Variants in ITGBL1 observed in about 807,000 individuals in gnomAD.
ITGBL1 encodes the protein integrin beta-like protein 1.
In ITGBL1, 51 loss-of-function variants were observed where a neutral mutation model predicts 68.5. The observed-to-expected ratio is 0.74, with a 90% CI of 0.59 to 0.94. ITGBL1 has a LOEUF of 0.94. Among genes scored for constraint, ITGBL1 ranks in the 40% least tolerant of loss-of-function variants. ITGBL1 has a pLI of 0.00. For missense variants in ITGBL1, 649 were observed against 647.4 expected (o/e 1.00, Z -0.03); for synonymous variants, 209 against 227.3 (o/e 0.92, Z 0.72).
intron 2 of ITGBL1, among the ~76,000 whole-genome samples, chr13:101,475,233 C>A (rs887556909): frequency 2.6e-5 from 4 of 151,870 alleles, no homozygotes; most frequent in Non-Finnish European, 4.4e-5. Context: ...ATAAATTTAG[C>A]AAAGAGATTG....
intron 6 of ITGBL1, among the ~76,000 whole-genome samples, chr13:101,593,755 G>A (rs747481609): frequency 9.2e-5 from 14 of 152,062 alleles, no homozygotes; most frequent in African/African-American, 1.7e-4. Context: ...TACCAGAGAC[G>A]GGAGGAGGAA....
At chr13:101,507,795 G>C (rs563678607) in intron 2 of ITGBL1, among the ~76,000 whole-genome samples, 1 of 152,250 alleles carries the variant, frequency 6.6e-6, no homozygotes, top group South Asian at 2.1e-4. Context: ...TGAAGGAAGA[G>C]ATTTCAAGAT....
chr13:101,456,087 G>A (rs774835171), intron 2 of ITGBL1, among the ~76,000 whole-genome samples: 24 of 152,146 alleles, frequency 1.6e-4, no homozygotes, highest in Non-Finnish European at 3.1e-4. Flanking sequence ...TTTACTCATA[G>A]CATCTTAGTC....
intron 2 of ITGBL1, among the ~76,000 whole-genome samples, chr13:101,454,399 TCCCCCCC>T (rs10524609): frequency 0.055 from 7,462 of 135,842 alleles, 530 homozygotes; most frequent in African/African-American, 0.14. Flanking sequence ...CCCTGGCTGG[TCCCCCCC>T]CCCCCCCCCA....
chr13:101,524,866 G>T (rs1192674483), intron 2 of ITGBL1, among the ~76,000 whole-genome samples: 1 of 152,094 alleles, frequency 6.6e-6, no homozygotes, highest in Non-Finnish European at 1.5e-5. Flanking sequence ...TTCTCCTACT[G>T]TAGTATCAGG....
At chr13:101,690,203 T>C (rs1474188394) in intron 7 of ITGBL1, among the ~76,000 whole-genome samples, 1 of 152,192 alleles carries the variant, frequency 6.6e-6, no homozygotes, top group Non-Finnish European at 1.5e-5. Context: ...GACGCCAGAA[T>C]ATTAACACTT....
At chr13:101,673,287 C>G (rs781050196) in intron 7 of ITGBL1, among the ~76,000 whole-genome samples, 3 of 152,184 alleles carry the variant, frequency 2.0e-5, no homozygotes, top group Non-Finnish European at 4.4e-5. Flanking sequence ...ATCTGTCATG[C>G]CCATCCTAAA....
Position 101,647,467 on chromosome 13 carries a change from A to G in ITGBL1, c.1016-45118A>G, listed in dbSNP as rs1219408190. ...CAATGCTACTGACAAAGTCAACAAG[A>G]AAAGCTGTATAAAATACCAACAAAA... is the stretch of plus-strand genomic sequence containing the variant. On this transcript the variant is annotated intron_variant, in intron 7 of 10. Coordinates refer to ENST00000376180, the MANE Select transcript of ITGBL1 (RefSeq NM_004791.3). Among the ~76,000 whole-genome samples, 4 of 152,190 alleles carry G rather than the reference A, an allele frequency of 2.6e-5. No homozygotes were observed. In the East Asian group the frequency reaches 7.7e-4, roughly 29 times the overall value.
chr13:101,678,024 A>G, intron 7 of ITGBL1, among the ~76,000 whole-genome samples: 1 of 152,212 alleles, frequency 6.6e-6, no homozygotes, highest in Non-Finnish European at 1.5e-5. Flanking sequence ...TACATAAATT[A>G]TATATAGTTT....
chr13:101,689,703 A>G (rs931795642), intron 7 of ITGBL1, among the ~76,000 whole-genome samples: 3 of 152,290 alleles, frequency 2.0e-5, no homozygotes, highest in Admixed American at 6.5e-5. Flanking sequence ...ATTATATTTT[A>G]ATTGTTAACT....
At position 101,538,973 on chromosome 13, in the gene ITGBL1, A is replaced by C. The variant is rs373811804; in HGVS notation, c.317-28726A>C. On this transcript the variant is annotated intron_variant, in intron 2 of 10. Coordinates refer to ENST00000376180, the MANE Select transcript of ITGBL1 (RefSeq NM_004791.3). ...AATAACTTGCTCAAGTTCACACAGC[A>C]AATCCATGTAGTGGAGCTTTACCAT... is the stretch of plus-strand genomic sequence containing the variant. Among the ~76,000 whole-genome samples the C allele has an allele frequency of 3.9e-5, 6 of 151,986 alleles. 1 individual carries two copies. Among genetic ancestry groups the C allele is most frequent in the East Asian group, 3.9e-4 (2 of 5,194 alleles).
chr13:101,525,264 G>A (rs1472987572), intron 2 of ITGBL1, among the ~76,000 whole-genome samples: 1 of 152,002 alleles, frequency 6.6e-6, no homozygotes, highest in East Asian at 1.9e-4. Flanking sequence ...CCTGATTAAT[G>A]GACTTTTCTT....
intron 2 of ITGBL1, among the ~76,000 whole-genome samples, chr13:101,471,947 C>A (rs1472837530): frequency 6.6e-6 from 1 of 152,120 alleles, no homozygotes; most frequent in Non-Finnish European, 1.5e-5. Context: ...TGATCATAAA[C>A]ATCTGACATT....
intron 8 of ITGBL1, among the ~76,000 whole-genome samples, chr13:101,693,297 C>T (rs7995858): frequency 6.6e-6 from 1 of 152,120 alleles, no homozygotes; most frequent in Non-Finnish European, 1.5e-5. Context: ...TCTTGCATTG[C>T]ATTCTTGAAA....
intron 2 of ITGBL1, among the ~76,000 whole-genome samples, chr13:101,544,475 C>T (rs2049778984): frequency 6.6e-6 from 1 of 152,182 alleles, no homozygotes; most frequent in Non-Finnish European, 1.5e-5. Context: ...TAGGGGGGTG[C>T]CTCCCAGCTA....
intron 6 of ITGBL1, among the ~76,000 whole-genome samples, chr13:101,591,560 ATTAG>A (rs1238922123): frequency 6.6e-6 from 1 of 152,108 alleles, no homozygotes; most frequent in African/African-American, 2.4e-5. Flanking sequence ...TTTACTAAAA[ATTAG>A]TTAAATGGTG....
chr13:101,484,126 C>CA (rs542978623), intron 2 of ITGBL1, among the ~76,000 whole-genome samples: 253 of 150,728 alleles, frequency 1.7e-3, no homozygotes, highest in Non-Finnish European at 2.9e-3. Context: ...TTGCAAATAC[C>CA]AAAAAAAATG....
At chr13:101,688,546 G>A (rs936280423) in intron 7 of ITGBL1, among the ~76,000 whole-genome samples, 7 of 152,202 alleles carry the variant, frequency 4.6e-5, no homozygotes, top group Admixed American at 1.3e-4. Flanking sequence ...CTCTGTTGAA[G>A]AATCTAGTCT....
At chr13:101,475,799 G>A (rs890994912) in intron 2 of ITGBL1, among the ~76,000 whole-genome samples, 1 of 148,696 alleles carries the variant, frequency 6.7e-6, no homozygotes, top group East Asian at 2.0e-4. Flanking sequence ...TGGGGGGCAG[G>A]TGGTGGGGGC....
Sources: allele counts gnomAD v4.1 joint callset (sites outside exome capture counted in the v4.1 genomes callset), GRCh38; gene constraint gnomAD v4.1.1; transcripts MANE v1.5; gene names NCBI Gene and HGNC (gene_info 2026-07-23, HGNC 2026-07-21).